PLXNB3: variants seen among roughly 807,000 people sequenced by gnomAD.
PLXNB3 encodes the protein plexin-B3.
In PLXNB3, 80 loss-of-function variants were observed where a neutral mutation model predicts 125.7. The ratio of observed to expected loss-of-function variants is 0.64; its 90% CI spans 0.53 to 0.77. The LOEUF (loss-of-function observed/expected upper bound fraction) is 0.77, where lower values mean the gene tolerates loss of function less well. Ranked by LOEUF, PLXNB3 falls within the 30% of genes least tolerant of loss-of-function variation. The pLI is 0.00. For synonymous variants in PLXNB3, 954 were observed against 783.3 expected (o/e 1.22, Z -3.64); for missense variants, 1,836 against 1,729.3 (o/e 1.06, Z -1.09).
At chrX:153,769,669 T>C (rs1400305684) in intron 6 of PLXNB3, 138 bp from the exon 7 acceptor site, 1 of 666,981 alleles carries the variant, frequency 1.5e-6, no homozygotes, top group Non-Finnish European at 2.2e-6. Context: ...CCTTTCTCTC[T>C]GGACACAGTC....
In PLXNB3 at chrX:153,766,917, C is replaced by CCTG. The variant is rs782526971; in HGVS notation, c.100_102dup (p.Leu34dup). On this transcript the variant is annotated inframe_insertion, in exon 3 of 36. Coordinates refer to ENST00000361971, the MANE Select transcript of PLXNB3 (RefSeq NM_005393.3). ...GGCCTCCCTTCGGCCTCTGCCTCCT[C>CCTG]CTGCTGCTGCTGTCCCCACCGCCAC... 1 of 1,208,562 alleles carries CCTG rather than the reference C, an allele frequency of 8.3e-7. No homozygotes were observed. Among genetic ancestry groups the CCTG allele is most frequent in the Non-Finnish European group, 1.1e-6 (1 of 894,766 alleles).
Position 153,770,738 on chromosome X carries a change from G to C in PLXNB3, c.2011-20G>C. 1 of 1,203,546 alleles carries C rather than the reference G, an allele frequency of 8.3e-7. No individual in the cohort carries two copies. Among genetic ancestry groups the C allele is most frequent in the Non-Finnish European group, 1.1e-6 (1 of 889,850 alleles). On this transcript the variant is annotated intron_variant, in intron 10 of 35. Coordinates refer to ENST00000361971, the MANE Select transcript of PLXNB3 (RefSeq NM_005393.3). ...TAGGCCCTTTGAGTTCTGAAGGGCT[G>C]AGGGCTCTTGTTTTCCCAGGTGGAC...
Position 153,776,094 on chromosome X carries a change from C to T in PLXNB3, c.4609C>T (p.Arg1537Cys), listed in dbSNP as rs369982782. ...GGAAGSSEMQRVPARVLDTDT... is the reference protein window; with the variant it reads ...GGAAGSSEMQCVPARVLDTDT... ...GGCCGCAGGCAGCAGCGAGATGCAG[C>T]GCGTGCCAGCCCGGGTGCTCGACAC... The change falls in exon 27 of 36, where the codon CGC (arginine) becomes TGC (cysteine). Residue 1537 changes from arginine to cysteine, a missense_variant. Coordinates refer to ENST00000361971, the MANE Select transcript of PLXNB3 (RefSeq NM_005393.3). The T allele has an allele frequency of 2.6e-4, 306 of 1,197,135 alleles. 1 individual carries two copies. Among genetic ancestry groups the T allele is most frequent in the Non-Finnish European group, 3.3e-4 (294 of 889,158 alleles).
Position 153,776,349 on chromosome X carries a change from C to T in PLXNB3, c.4730-7C>T. 8.5e-7 allele frequency: 1 copy of T among 1,175,791 alleles called. No individual in the cohort carries two copies. Among genetic ancestry groups the T allele is most frequent in the Non-Finnish European group, 1.2e-6 (1 of 867,592 alleles). ...TGTAGACTATCTGCTTCCCTGACTC[C>T]CTCCAGAGTGGCGCTCAGGCCTGGC... On this transcript the variant is annotated splice_region_variant and splice_polypyrimidine_tract_variant and intron_variant, in intron 27 of 35. Transcript: ENST00000361971.
chrX:153,766,784 C>T, intron 2 of PLXNB3, 89 bp from the exon 3 acceptor site: 1 of 1,103,475 alleles, frequency 9.1e-7, no homozygotes, highest in Non-Finnish European at 1.2e-6. Flanking sequence ...GCCCTGAGCA[C>T]CCTGGCCTCT....
Position 153,765,588 on chromosome X carries a change from C to G in PLXNB3, c.45+8C>G. The G allele has an allele frequency of 8.4e-7, 1 of 1,189,268 alleles. No homozygotes were observed. Among genetic ancestry groups the G allele is most frequent in the Non-Finnish European group, 1.1e-6 (1 of 883,851 alleles). On this transcript the variant is annotated splice_region_variant and intron_variant, in intron 2 of 35. Transcript: ENST00000361971. The stretch of plus-strand genomic sequence containing the variant: ...CTGCTGCACCACTTCATGGTAAGTG[C>G]CCAGGCCCGGTGTCCCCAGAAATGT...
chrX:153,777,078 C>T (rs5945349), intron 29 of PLXNB3, 98 bp downstream of exon 29: 7 of 990,009 alleles, frequency 7.1e-6, no homozygotes, highest in South Asian at 2.3e-5. Context: ...CCCACCCCAC[C>T]GAGATCTTCT....
At chrX:153,772,430 T>G in intron 16 of PLXNB3, 143 bp downstream of exon 16, 1 of 501,064 alleles carries the variant, frequency 2.0e-6, no homozygotes, top group Non-Finnish European at 3.3e-6. Context: ...CCATGGCATG[T>G]GAGTGGAGGT....
Position 153,766,855 on chromosome X carries a change from A to T in PLXNB3, c.46-18A>T. The T allele has an allele frequency of 8.5e-7, 1 of 1,177,042 alleles. No individual in the cohort carries two copies. The highest frequency in any genetic ancestry group is 2.4e-5 in the Admixed American group (1 of 41,943). ...TCTGCCTTGCGCTCCCACTGCCCTG[A>T]CCTGTGCCCTCTCACAGGCCCCCGT... On this transcript the variant is annotated intron_variant, in intron 2 of 35. Transcript: ENST00000361971.
At chrX:153,765,092 C>T (rs1178802837) in intron 1 of PLXNB3, among the ~76,000 whole-genome samples, 3 of 113,065 alleles carry the variant, frequency 2.7e-5, no homozygotes, top group Non-Finnish European at 3.8e-5. Flanking sequence ...CACAGGGACC[C>T]GGGGAGCCAG....
rs782791284 is a variant in PLXNB3, at chrX:153,768,334, T to G, written c.1172T>G (p.Leu391Arg). ...GRQPLEVQPL[L>R]KLGQPVSAVA... The stretch of plus-strand genomic sequence containing the variant: ...CAGCCCCTGGAGGTCCAGCCTCTGC[T>G]GAAGCTCGGGCAGCCGGTCAGCGCC... Residue 391 changes from leucine to arginine, a missense_variant, in exon 4 of 36, where the codon CTG (leucine) becomes CGG (arginine). Leu to Arg is a moderately radical substitution (Grantham distance 102, BLOSUM62 -2). Coordinates refer to ENST00000361971, the MANE Select transcript of PLXNB3 (RefSeq NM_005393.3). 1 of 1,210,630 alleles carries G rather than the reference T, an allele frequency of 8.3e-7. No individual in the cohort carries two copies. Among genetic ancestry groups the G allele is most frequent in the Non-Finnish European group, 1.1e-6 (1 of 894,916 alleles).
Position 153,769,079 on chromosome X carries a change from G to A in PLXNB3, c.1395+3G>A, listed in dbSNP as rs1437497905. On this transcript the variant is annotated splice_donor_region_variant and intron_variant, in intron 5 of 35. Coordinates refer to ENST00000361971, the MANE Select transcript of PLXNB3 (RefSeq NM_005393.3). ...TCTATGTCCTGACTGCCCACCAGGT[G>A]AGGGCCATCCTGGGGCTGAAGGGGC... is the stretch of plus-strand genomic sequence containing the variant. 2 of 1,207,452 alleles carry A rather than the reference G, an allele frequency of 1.7e-6. No individual in the cohort carries two copies. Among genetic ancestry groups the A allele is most frequent in the Non-Finnish European group, 2.2e-6 (2 of 893,068 alleles).
chrX:153,769,974 G>C (rs782346492), intron 7 of PLXNB3, 35 bp downstream of exon 7: 5 of 1,194,780 alleles, frequency 4.2e-6, no homozygotes, highest in African/African-American at 1.7e-5. Context: ...CCTCTGGGCA[G>C]CATGACCACT....
rs782193307 is a variant in PLXNB3, at chrX:153,775,112, C to T, written c.4155+9C>T. On this transcript the variant is annotated intron_variant, in intron 24 of 35. Transcript: ENST00000361971. ...AGCTCTTCCTCCTCACGGTGAGGGC[C>T]GTGTGGCGGGAGTGCCCAGTGGGCA... 10 of 1,187,255 alleles carry T rather than the reference C, an allele frequency of 8.4e-6. No individual in the cohort carries two copies. Among genetic ancestry groups the T allele is most frequent in the South Asian group, 3.8e-5 (2 of 53,105 alleles).
intron 6 of PLXNB3, 102 bp from the exon 7 acceptor site, chrX:153,769,704 AC>A (rs1557060844): frequency 2.3e-6 from 2 of 860,361 alleles, no homozygotes; most frequent in African/African-American, 4.1e-5. Flanking sequence ...TGCTCATTGC[AC>A]CCCACTGCAC....
intron 12 of PLXNB3, 95 bp downstream of exon 12, chrX:153,771,176 C>G: frequency 3.2e-6 from 3 of 930,657 alleles, no homozygotes; most frequent in Non-Finnish European, 4.6e-6. Context: ...GGGCCCATAA[C>G]CTCTGTCTGT....
rs782565404 is a variant in PLXNB3, at chrX:153,771,358, A to T, written c.2302A>T (p.Thr768Ser). ...GGAGCTCCCAGTGCCCATCTACGTC[A>T]CCCAGGGTGAAGCCCAGAGGCTGGA... Reference protein sequence around the residue: ...QRELPVPIYVTQGEAQRLDNT... With the variant: ...QRELPVPIYVSQGEAQRLDNT... The change falls in exon 13 of 36, where the codon ACC becomes TCC. Residue 768 changes from threonine to serine, a missense_variant. Thr to Ser is a moderately conservative substitution (Grantham distance 58, BLOSUM62 1). Transcript: ENST00000361971. 8.3e-6 allele frequency: 10 copies of T among 1,209,302 alleles called. No homozygotes were observed. The South Asian group carries it at 1.8e-4, about 21-fold the overall frequency.
intron 6 of PLXNB3, 98 bp from the exon 7 acceptor site, chrX:153,769,692 CCTGCTCATTGCACCCCA>C: frequency 1.3e-6 from 1 of 791,124 alleles, no homozygotes; most frequent in Non-Finnish European, 1.8e-6. Context: ...CTTCACGCCT[CCTGCTCATTGCACCCCA>C]CTGCACTCCA....
intron 16 of PLXNB3, 59 bp from the exon 17 acceptor site, chrX:153,772,826 CA>C (rs1286839793): frequency 1.9e-6 from 2 of 1,064,624 alleles, no homozygotes; most frequent in Admixed American, 4.3e-5. Flanking sequence ...GGGCATGGCC[CA>C]GGGGGGTGAA....
Sources: gnomAD v4.1 joint callset for allele counts (sites outside exome capture counted in the v4.1 genomes callset) on GRCh38, gnomAD v4.1.1 for gene constraint, MANE v1.5 for transcripts, NCBI Gene and HGNC (gene_info 2026-07-23, HGNC 2026-07-21) for gene names.